Variants in SCN7A observed in about 807,000 individuals in gnomAD.
SCN7A encodes sodium voltage-gated channel alpha subunit 7, also known as sodium channel protein type 7 subunit alpha.
Under a neutral mutation model 155.2 loss-of-function variants are expected in SCN7A, and 138 were observed. That is an observed-to-expected ratio of 0.89 (90% CI 0.77 to 1.02). SCN7A has a LOEUF of 1.02. Among genes scored for constraint, SCN7A ranks in the 50% least tolerant of loss-of-function variants. The probability of loss-of-function intolerance (pLI) is 0.00; values close to 1 mark genes in which losing one functional copy is unlikely to be tolerated. For synonymous variants in SCN7A, 693 were observed against 649.0 expected (o/e 1.07, Z -1.03); for missense variants, 2,058 against 1,986.6 (o/e 1.04, Z -0.68).
chr2:166,429,313 G>T, intron 16 of SCN7A, 39 bp from the exon 17 acceptor site: 2 of 1,303,452 alleles, frequency 1.5e-6, no homozygotes, highest in Non-Finnish European at 2.1e-6. Context: ...TGTGATTAAA[G>T]TTTCATTTAC....
At chr2:166,464,019 G>A (rs1165389436) in intron 9 of SCN7A, among the ~76,000 whole-genome samples, 1 of 151,796 alleles carries the variant, frequency 6.6e-6, no homozygotes, top group Non-Finnish European at 1.5e-5. Flanking sequence ...TTGTGCCACA[G>A]CACTGCAGCC....
rs761883598 is a variant in SCN7A, at chr2:166,462,518, T to G, written c.954A>C (p.Glu318Asp). ...TGCCAGCTTTTACACACACATATCC[T>G]TCAGGACACTGACTAAAGAAGACAA... ...GNRTDAGQCP[E>D]GYVCVKAGIN... is the part of the protein sequence containing the mutation. Residue 318 changes from glutamate (E) to aspartate (D), a missense_variant, in exon 10 of 26, where the codon GAA becomes GAC. Glu to Asp is a conservative substitution (Grantham distance 45). Coordinates refer to ENST00000643258, the MANE Select transcript of SCN7A (RefSeq NM_002976.4). 6.2e-7 allele frequency: 1 copy of G among 1,613,708 alleles called. No individual in the cohort carries two copies. The highest frequency in any genetic ancestry group is 1.3e-5 in the African/African-American group (1 of 75,028).
intron 1 of SCN7A, among the ~76,000 whole-genome samples, chr2:166,491,935 C>T (rs1559133949): frequency 6.6e-6 from 1 of 152,048 alleles, no homozygotes; most frequent in Non-Finnish European, 1.5e-5. Flanking sequence ...CTGAATACCC[C>T]AGTTGTGACA....
At chr2:166,414,199 A>AT (rs1390686080) in intron 21 of SCN7A, among the ~76,000 whole-genome samples, 1 of 96,820 alleles carries the variant, frequency 1.0e-5, no homozygotes, top group African/African-American at 4.3e-5. Flanking sequence ...TATATAATAT[A>AT]TTATATATAT....
intron 18 of SCN7A, among the ~76,000 whole-genome samples, chr2:166,425,936 A>G (rs1196979588): frequency 6.6e-6 from 1 of 151,408 alleles, no homozygotes; most frequent in East Asian, 2.0e-4. Flanking sequence ...GCTGGATAAA[A>G]GGAATAATGT....
At chr2:166,484,399 G>A (rs1271512672) in intron 2 of SCN7A, among the ~76,000 whole-genome samples, 6 of 151,746 alleles carry the variant, frequency 4.0e-5, no homozygotes, top group African/African-American at 1.2e-4. Flanking sequence ...ATGTACCTAT[G>A]AGTGTGTATA....
At chr2:166,462,653 G>T in intron 9 of SCN7A, 123 bp from the exon 10 acceptor site, 1 of 782,176 alleles carries the variant, frequency 1.3e-6, no homozygotes, top group Non-Finnish European at 1.9e-6. Context: ...GGAGAGTAAT[G>T]TCTGCTCCCA....
intron 11 of SCN7A, among the ~76,000 whole-genome samples, chr2:166,450,708 T>C (rs1351759857): frequency 1.3e-5 from 2 of 152,008 alleles, no homozygotes; most frequent in African/African-American, 4.8e-5. Context: ...GCAGGAGAGT[T>C]GCTTGAACCT....
intron 10 of SCN7A, among the ~76,000 whole-genome samples, chr2:166,460,763 A>C (rs1277125054): frequency 2.0e-5 from 3 of 152,216 alleles, no homozygotes; most frequent in Non-Finnish European, 4.4e-5. Flanking sequence ...GAATAATTAA[A>C]CAGAGAGTAT....
intron 18 of SCN7A, among the ~76,000 whole-genome samples, chr2:166,425,679 CTCACA>C (rs1241346639): frequency 6.6e-6 from 1 of 152,040 alleles, no homozygotes; most frequent in Non-Finnish European, 1.5e-5. Context: ...TGCTTCTATC[CTCACA>C]TCACCTTCTT....
chr2:166,432,699 T>TA lies in SCN7A; in HGVS notation c.2210dup (p.Thr738AsnfsTer3), dbSNP rs771021730. The stretch of plus-strand genomic sequence containing the variant: ...TTGCTTCATTATTCTCTTCAGCTGT[T>TA]ACATCCTTGCATGAACTAAATGAGC... On this transcript the variant is annotated frameshift_variant, in exon 16 of 26. Coordinates refer to ENST00000643258, the MANE Select transcript of SCN7A (RefSeq NM_002976.4). LOFTEE classifies it high-confidence loss of function. 2 of 1,592,056 alleles carry TA rather than the reference T, an allele frequency of 1.3e-6. No individual in the cohort carries two copies. Among genetic ancestry groups the TA allele is most frequent in the Non-Finnish European group, 1.7e-6 (2 of 1,172,100 alleles).
In SCN7A at chr2:166,427,805, G is replaced by A. The variant is rs1425419115; in HGVS notation, c.2836C>T (p.Leu946Phe). Residue 946 changes from leucine to phenylalanine, a missense_variant, in exon 18 of 26, where the codon CTC becomes TTC. By Grantham distance (22) the Leu-to-Phe change is conservative (BLOSUM62 0). Coordinates refer to ENST00000643258, the MANE Select transcript of SCN7A (RefSeq NM_002976.4). ...CCACTTACCAGAGTGCCAGTGCTGA[G>A]CAGAGTAACAAGCCCAATAAAACAC... is the stretch of plus-strand genomic sequence containing the variant. ...FKCFIGLVTL[L>F]STGTLAFEDI... The A allele has an allele frequency of 6.2e-7, 1 of 1,610,972 alleles. No individual in the cohort carries two copies. The highest frequency in any genetic ancestry group is 8.5e-7 in the Non-Finnish European group (1 of 1,178,494).
At chr2:166,446,973 T>C (rs2105444871) in intron 12 of SCN7A, among the ~76,000 whole-genome samples, 1 of 152,276 alleles carries the variant, frequency 6.6e-6, no homozygotes, top group East Asian at 1.9e-4. Context: ...CAGATCATCA[T>C]GGCACATGTA....
rs73027622 is a variant in SCN7A, at chr2:166,413,388, A to T, written c.3415-267T>A. Among the ~76,000 whole-genome samples the T allele has an allele frequency of 5.2e-3, 798 of 152,252 alleles. 6 individuals are homozygous for T. The highest frequency in any genetic ancestry group is 0.018 in the African/African-American group (757 of 41,578). Reference sequence around the variant, plus strand: ...AGAAACAGATATATAAATGGTAAATAATTACATGCGGCCATGTGTCATGGT... The same window carrying T: ...AGAAACAGATATATAAATGGTAAATTATTACATGCGGCCATGTGTCATGGT... On this transcript the variant is annotated intron_variant, in intron 21 of 25. Transcript: ENST00000643258.
intron 11 of SCN7A, among the ~76,000 whole-genome samples, chr2:166,450,819 A>AT (rs1166233160): frequency 2.6e-5 from 4 of 151,920 alleles, no homozygotes; most frequent in Non-Finnish European, 5.9e-5. Flanking sequence ...TAAGGGTTAG[A>AT]TTTTTTTTGT....
intron 15 of SCN7A, among the ~76,000 whole-genome samples, chr2:166,433,598 A>C (rs1374427547): frequency 1.3e-5 from 2 of 152,132 alleles, no homozygotes; most frequent in Non-Finnish European, 2.9e-5. Context: ...GCTTTATTCC[A>C]AAGCTTATTT....
chr2:166,482,535 TA>T, intron 2 of SCN7A, among the ~76,000 whole-genome samples: 1 of 152,114 alleles, frequency 6.6e-6, no homozygotes, highest in Admixed American at 6.5e-5. Flanking sequence ...ATCCCTCATA[TA>T]TCTCACAAGG....
chr2:166,477,628 C>A lies in SCN7A; in HGVS notation c.69G>T (p.Gln23His). 6.2e-7 allele frequency: 1 copy of A among 1,605,640 alleles called. No homozygotes were observed. The highest frequency in any genetic ancestry group is 1.7e-5 in the Admixed American group (1 of 58,904). The change falls in exon 3 of 26, where the codon CAG becomes CAT. Residue 23 changes from glutamine (Q) to histidine (H), a missense_variant. Coordinates refer to ENST00000643258, the MANE Select transcript of SCN7A (RefSeq NM_002976.4). ...FTKESFELIK[Q>H]HIAKTHNEDH... ...CTTCATTATGTGTTTTAGCAATATG[C>A]TGTTTTATAAGTTCAAAAGACTCTT... is the stretch of plus-strand genomic sequence containing the variant.
chr2:166,410,842 G>A lies in SCN7A; in HGVS notation c.3607-518C>T, dbSNP rs80237830. On this transcript the variant is annotated intron_variant, in intron 23 of 25. Transcript: ENST00000643258. Reference sequence around the variant, plus strand: ...TTGCTTCTTCATAGCACGGTTGAGGGCTTATTCATTTTTGTGTTTCTAGTG... The same window carrying A: ...TTGCTTCTTCATAGCACGGTTGAGGACTTATTCATTTTTGTGTTTCTAGTG... 5.1e-3 allele frequency among the ~76,000 whole-genome samples: 777 copies of A among 151,950 alleles called. 40 individuals are homozygous for A. In the East Asian group the frequency reaches 0.11, roughly 22 times the overall value.
Sources: allele counts gnomAD v4.1 joint callset (sites outside exome capture counted in the v4.1 genomes callset), GRCh38; gene constraint gnomAD v4.1.1; transcripts MANE v1.5; gene names NCBI Gene and HGNC (gene_info 2026-07-23, HGNC 2026-07-21).